The following CDH13 variants were observed in gnomAD, a reference collection of about 807,000 sequenced individuals.
CDH13 encodes cadherin 13, also known as cadherin-13.
A neutral mutation model predicts 63.8 loss-of-function variants in CDH13; 24 were observed. That is an observed-to-expected ratio of 0.38 (90% CI 0.27 to 0.53). CDH13 has a LOEUF of 0.53. CDH13 is among the 20% of genes least tolerant of loss of function. The pLI is 0.85. For missense variants in CDH13, 1,049 were observed against 903.1 expected, an observed-to-expected ratio of 1.16 and a Z score of -2.07; for synonymous variants, 503 against 355.3, an observed-to-expected ratio of 1.42 and a Z score of -4.67.
intron 3 of CDH13, among the ~76,000 whole-genome samples, chr16:83,096,332 A>G (rs1187343058): frequency 6.6e-6 from 1 of 152,200 alleles, no homozygotes; most frequent in East Asian, 1.9e-4. Context: ...ATCAGACATT[A>G]TCCCAGAGAG....
At chr16:83,503,940 T>C (rs551137852) in intron 7 of CDH13, among the ~76,000 whole-genome samples, 1 of 144,496 alleles carries the variant, frequency 6.9e-6, no homozygotes, top group East Asian at 2.2e-4. Flanking sequence ...CAATTGCTTT[T>C]GGTGTTTTAG....
At chr16:82,864,878 G>T (rs1190792063) in intron 2 of CDH13, among the ~76,000 whole-genome samples, 1 of 152,166 alleles carries the variant, frequency 6.6e-6, no homozygotes, top group Non-Finnish European at 1.5e-5. Context: ...CTAGAGGCCT[G>T]TAAAATCAAG....
Position 82,805,535 on chromosome 16 carries a change from G to A in CDH13, c.46-52827G>A, listed in dbSNP as rs139471250. Reference sequence around the variant, plus strand: ...AGTTCGGGGGCCTATATGGAACTGCGGGCAGGGCCAATGACAGATAGTTGA... The same window carrying A: ...AGTTCGGGGGCCTATATGGAACTGCAGGCAGGGCCAATGACAGATAGTTGA... On this transcript the variant is annotated intron_variant, in intron 1 of 13. Transcript: ENST00000567109. Among the ~76,000 whole-genome samples, 8 of 152,122 alleles carry A rather than the reference G, an allele frequency of 5.3e-5. No homozygotes were observed. In the East Asian group the frequency reaches 5.8e-4, roughly 11 times the overall value.
At chr16:83,669,223 G>C (rs370964994) in intron 8 of CDH13, among the ~76,000 whole-genome samples, 1 of 152,006 alleles carries the variant, frequency 6.6e-6, no homozygotes, top group Non-Finnish European at 1.5e-5. Flanking sequence ...AGAGGACCCC[G>C]GGCAGTTTCT....
At chr16:83,120,313 C>A (rs999476580) in intron 3 of CDH13, among the ~76,000 whole-genome samples, 3 of 152,252 alleles carry the variant, frequency 2.0e-5, no homozygotes, top group African/African-American at 7.2e-5. Flanking sequence ...GGGAGGACAC[C>A]AGAGGTAGGA....
intron 1 of CDH13, among the ~76,000 whole-genome samples, chr16:82,656,555 T>C (rs1166505768): frequency 1.3e-5 from 2 of 152,146 alleles, no homozygotes; most frequent in African/African-American, 2.4e-5. Flanking sequence ...TTTGTTACAG[T>C]CAATGACTCT....
intron 1 of CDH13, among the ~76,000 whole-genome samples, chr16:82,781,111 A>T (rs1423615185): frequency 6.6e-6 from 1 of 152,218 alleles, no homozygotes; most frequent in Non-Finnish European, 1.5e-5. Context: ...GTTTGCCTCT[A>T]GGTTCACTTG....
At chr16:83,626,433 A>C (rs563395608) in intron 8 of CDH13, among the ~76,000 whole-genome samples, 1 of 152,300 alleles carries the variant, frequency 6.6e-6, no homozygotes, top group African/African-American at 2.4e-5. Flanking sequence ...GTCATTCTGC[A>C]GGCGTTAATG....
At chr16:82,721,664 T>C (rs1431898664) in intron 1 of CDH13, among the ~76,000 whole-genome samples, 1 of 152,102 alleles carries the variant, frequency 6.6e-6, no homozygotes, top group African/African-American at 2.4e-5. Context: ...AGAAATGTAC[T>C]TTGACAGAGA....
chr16:83,229,383 C>G (rs1253862845), intron 5 of CDH13, among the ~76,000 whole-genome samples: 1 of 152,162 alleles, frequency 6.6e-6, no homozygotes, highest in Admixed American at 6.5e-5. Context: ...TTTTTTAATT[C>G]ACAAGTAGAG....
chr16:83,367,540 A>C (rs979918985), intron 6 of CDH13, among the ~76,000 whole-genome samples: 1 of 152,080 alleles, frequency 6.6e-6, no homozygotes, highest in Non-Finnish European at 1.5e-5. Flanking sequence ...TTATAAAGTG[A>C]CTCTGTGTTA....
chr16:83,013,391 C>T (rs147764059), intron 2 of CDH13, among the ~76,000 whole-genome samples: 347 of 152,282 alleles, frequency 2.3e-3, no homozygotes, highest in African/African-American at 8.1e-3. Flanking sequence ...TTCAGCATCT[C>T]AGTTAGGCCC....
At chr16:82,669,198 C>A (rs1249622396) in intron 1 of CDH13, among the ~76,000 whole-genome samples, 1 of 152,196 alleles carries the variant, frequency 6.6e-6, no homozygotes, top group Non-Finnish European at 1.5e-5. Flanking sequence ...GGACACCATT[C>A]CTCTCTGGTA....
chr16:83,752,927 C>T (rs765905734), intron 11 of CDH13, among the ~76,000 whole-genome samples: 3 of 152,170 alleles, frequency 2.0e-5, no homozygotes, highest in African/African-American at 4.8e-5. Context: ...AAATATACAG[C>T]TTGAAATCCA....
At position 82,663,880 on chromosome 16, in the gene CDH13, G is replaced by A. The variant is rs539995657; in HGVS notation, c.45+36743G>A. ...TGAATATAGCGTGGGCTTTCTTCTT[G>A]CTCTTCAGAAAGTCTTCTCTACCCT... On this transcript the variant is annotated intron_variant, in intron 1 of 13. Coordinates refer to ENST00000567109, the MANE Select transcript of CDH13 (RefSeq NM_001257.5). Among the ~76,000 whole-genome samples, 5 of 152,244 alleles carry A rather than the reference G, an allele frequency of 3.3e-5. No individual in the cohort carries two copies. In the South Asian group the frequency reaches 6.2e-4, roughly 19 times the overall value.
chr16:83,066,767 C>T (rs1349377372), intron 3 of CDH13, among the ~76,000 whole-genome samples: 1 of 152,182 alleles, frequency 6.6e-6, no homozygotes, highest in Non-Finnish European at 1.5e-5. Context: ...GTCACAGAGA[C>T]TGGAATGCTC....
chr16:83,716,543 G>A (rs928145683), intron 10 of CDH13, among the ~76,000 whole-genome samples: 5 of 152,082 alleles, frequency 3.3e-5, no homozygotes, highest in African/African-American at 1.2e-4. Flanking sequence ...GAGTGCAGTG[G>A]TGCAGTCTCA....
At chr16:83,313,428 T>C (rs541517815) in intron 5 of CDH13, among the ~76,000 whole-genome samples, 1 of 152,272 alleles carries the variant, frequency 6.6e-6, no homozygotes, top group African/African-American at 2.4e-5. Context: ...CCCTAAACTT[T>C]CAGCTATCCA....
At chr16:83,188,722 T>C (rs2038604301) in intron 4 of CDH13, among the ~76,000 whole-genome samples, 1 of 152,252 alleles carries the variant, frequency 6.6e-6, no homozygotes, top group Non-Finnish European at 1.5e-5. Flanking sequence ...AAATTTTGTG[T>C]ATTTAAAAAG....
Sources: gnomAD v4.1 joint callset for allele counts (sites outside exome capture counted in the v4.1 genomes callset) on GRCh38, gnomAD v4.1.1 for gene constraint, MANE v1.5 for transcripts, NCBI Gene and HGNC (gene_info 2026-07-23, HGNC 2026-07-21) for gene names.